Variants in C1QTNF3 observed in about 807,000 individuals in gnomAD.
The protein encoded by C1QTNF3 is complement C1q tumor necrosis factor-related protein 3.
A neutral mutation model predicts 32.6 loss-of-function variants in C1QTNF3; 26 were observed. That is an observed-to-expected ratio of 0.80 (90% CI 0.58 to 1.11). C1QTNF3 has a LOEUF of 1.11. C1QTNF3 is among the 50% of genes least tolerant of loss of function. C1QTNF3 has a pLI of 0.00. For missense variants in C1QTNF3, 362 were observed against 398.2 expected (o/e 0.91, Z 0.77); for synonymous variants, 155 against 146.0 (o/e 1.06, Z -0.44).
the C1QTNF3 span, among the ~76,000 whole-genome samples, chr5:34,230,224 C>T: frequency 1.3e-5 from 2 of 152,124 alleles, no homozygotes; most frequent in Non-Finnish European, 2.9e-5. Context: ...TGGGAAAGGC[C>T]GGGTCATGGA....
the C1QTNF3 span, among the ~76,000 whole-genome samples, chr5:34,241,956 GGAAGGAAGGAAGGAAGGAAGGAA>G: frequency 9.9e-6 from 1 of 100,664 alleles, no homozygotes. Context: ...AGGGAGGGAA[GGAAGGAAGGAAGGAAGGAAGGAA>G]GGAAGGAAGG....
the C1QTNF3 span, among the ~76,000 whole-genome samples, chr5:34,102,838 T>TG: frequency 1.4e-4 from 21 of 147,084 alleles, no homozygotes; most frequent in Admixed American, 1.4e-4. Flanking sequence ...TGTTGTGGGG[T>TG]GGGGGCTGGG....
At chr5:34,160,552 G>T in the C1QTNF3 span, among the ~76,000 whole-genome samples, 10 of 152,136 alleles carry the variant, frequency 6.6e-5, no homozygotes, top group African/African-American at 2.4e-4. Context: ...TAAATTATAA[G>T]GGGACGCAGT....
the C1QTNF3 span, among the ~76,000 whole-genome samples, chr5:34,125,112 A>T: frequency 6.6e-6 from 1 of 152,170 alleles, no homozygotes; most frequent in Non-Finnish European, 1.5e-5. Flanking sequence ...CAAAAGGTGG[A>T]ATTCAGCTAT....
the C1QTNF3 span, chr5:34,166,787 T>G: frequency 1.3e-5 from 2 of 151,694 alleles, no homozygotes; most frequent in Non-Finnish European, 2.9e-5. Context: ...TGATGATCAT[T>G]TTTTTTTTCA....
the C1QTNF3 span, among the ~76,000 whole-genome samples, chr5:34,175,247 G>C: frequency 6.6e-6 from 1 of 151,300 alleles, no homozygotes; most frequent in Non-Finnish European, 1.5e-5. Flanking sequence ...GTCCTCCTAT[G>C]CTGAACAGGC....
the C1QTNF3 span, among the ~76,000 whole-genome samples, chr5:34,136,967 G>C: frequency 6.6e-6 from 1 of 151,874 alleles, no homozygotes; most frequent in South Asian, 2.1e-4. Context: ...TGGACACAGG[G>C]TGGGGAACAT....
In C1QTNF3 at chr5:34,020,390, C is replaced by T. The variant is rs1363808299; in HGVS notation, c.*193G>A. On this transcript the variant is annotated 3_prime_UTR_variant, in exon 6 of 6. Transcript: ENST00000382065. ...TATTAGTCAAGGTCATCTGAGAAGA[C>T]TATTTTGTGGTTGATTCTTCTGAGC... is the stretch of plus-strand genomic sequence containing the variant. 2 of 623,872 alleles carry T rather than the reference C, an allele frequency of 3.2e-6. No homozygotes were observed. The highest frequency in any genetic ancestry group is 9.0e-4 in the Middle Eastern group (2 of 2,230). 38.6% of individuals were successfully genotyped at this position (623,872 alleles called of 1,614,324 possible). A position where few individuals can be genotyped will look rare whatever the true frequency, so the allele number is the denominator to read the frequency against.
the C1QTNF3 span, among the ~76,000 whole-genome samples, chr5:34,051,296 A>G: frequency 6.6e-6 from 1 of 152,180 alleles, no homozygotes; most frequent in Non-Finnish European, 1.5e-5. Flanking sequence ...ATGAAATAAT[A>G]AATTTTCTAT....
the C1QTNF3 span, among the ~76,000 whole-genome samples, chr5:34,213,770 C>T: frequency 1.9e-4 from 12 of 61,704 alleles, no homozygotes; most frequent in Non-Finnish European, 2.9e-4. Context: ...CACACACACA[C>T]ATACGTGTAT....
the C1QTNF3 span, among the ~76,000 whole-genome samples, chr5:34,154,839 A>C: frequency 6.6e-6 from 1 of 152,158 alleles, no homozygotes; most frequent in Non-Finnish European, 1.5e-5. Flanking sequence ...GAAAATGAGA[A>C]CCATCTCTGG....
the C1QTNF3 span, chr5:34,175,841 G>A: frequency 1.1e-4 from 90 of 786,844 alleles, no homozygotes; most frequent in African/African-American, 6.1e-4. Context: ...TCATGAAATC[G>A]GCAAAATTCC....
chr5:34,064,141 G>A, the C1QTNF3 span, among the ~76,000 whole-genome samples: 1 of 152,172 alleles, frequency 6.6e-6, no homozygotes, highest in African/African-American at 2.4e-5. Flanking sequence ...CCTCACACCT[G>A]AGTCTTAAGT....
At chr5:34,058,942 G>T in the C1QTNF3 span, among the ~76,000 whole-genome samples, 3 of 152,130 alleles carry the variant, frequency 2.0e-5, no homozygotes, top group East Asian at 5.8e-4. Context: ...AGGGACTCAA[G>T]GTCAAGAGGA....
At chr5:34,072,503 A>C in the C1QTNF3 span, among the ~76,000 whole-genome samples, 1 of 152,278 alleles carries the variant, frequency 6.6e-6, no homozygotes, top group Admixed American at 6.5e-5. Flanking sequence ...TTTCCAGTGG[A>C]GGAAAAGTGG....
intron 1 of C1QTNF3, among the ~76,000 whole-genome samples, chr5:34,041,136 C>A (rs1754863606): frequency 6.6e-6 from 1 of 152,022 alleles, no homozygotes; most frequent in African/African-American, 2.4e-5. Flanking sequence ...GAATTACGAT[C>A]AAAGAAGAGG....
chr5:34,124,480 C>T, the C1QTNF3 span: 1 of 715,688 alleles, frequency 1.4e-6, no homozygotes, highest in South Asian at 1.5e-5. Flanking sequence ...GGACCAGGCC[C>T]GTCACGATGA....
the C1QTNF3 span, among the ~76,000 whole-genome samples, chr5:34,236,947 G>T: frequency 6.6e-6 from 1 of 152,104 alleles, no homozygotes; most frequent in Non-Finnish European, 1.5e-5. Flanking sequence ...GATTTGAAAA[G>T]TAGTATTCAA....
At chr5:34,128,381 A>G in the C1QTNF3 span, among the ~76,000 whole-genome samples, 11 of 152,352 alleles carry the variant, frequency 7.2e-5, no homozygotes, top group East Asian at 2.1e-3. Flanking sequence ...CCTCACACAG[A>G]GTTCCCACTG....
Sources: allele counts gnomAD v4.1 joint callset (sites outside exome capture counted in the v4.1 genomes callset), GRCh38; gene constraint gnomAD v4.1.1; transcripts MANE v1.5; gene names NCBI Gene and HGNC (gene_info 2026-07-23, HGNC 2026-07-21).